The following HEATR5B variants were observed in gnomAD, a reference collection of about 807,000 sequenced individuals.
The protein encoded by HEATR5B is HEAT repeat containing 5B.
A neutral mutation model predicts 224.1 loss-of-function variants in HEATR5B; 156 were observed. The ratio of observed to expected loss-of-function variants is 0.70; its 90% CI spans 0.61 to 0.80. HEATR5B has a LOEUF of 0.80. Ranked by LOEUF, HEATR5B falls within the 30% of genes least tolerant of loss-of-function variation. The pLI is 0.00. For missense variants in HEATR5B, 2,323 were observed against 2,535.5 expected, an observed-to-expected ratio of 0.92 and a Z score of 1.80; for synonymous variants, 1,027 against 893.0, an observed-to-expected ratio of 1.15 and a Z score of -2.68.
At chr2:37,034,481 C>T (rs1174396622) in intron 21 of HEATR5B, among the ~76,000 whole-genome samples, 1 of 143,948 alleles carries the variant, frequency 6.9e-6, no homozygotes, top group African/African-American at 2.5e-5. Flanking sequence ...GGCGTAGTGG[C>T]GGGCGCCTGT....
intron 35 of HEATR5B, among the ~76,000 whole-genome samples, chr2:36,988,435 T>G (rs1470386858): frequency 6.6e-6 from 1 of 152,044 alleles, no homozygotes; most frequent in Non-Finnish European, 1.5e-5. Context: ...CTAATTTTTG[T>G]ATTATTAGTA....
chr2:37,021,402 A>C (rs1668448128), intron 24 of HEATR5B, among the ~76,000 whole-genome samples: 1 of 152,234 alleles, frequency 6.6e-6, no homozygotes, highest in Non-Finnish European at 1.5e-5. Context: ...AATCTTCGGA[A>C]TACATATCCC....
chr2:37,000,659 C>G lies in HEATR5B; in HGVS notation c.5472G>C (p.Glu1824Asp). ...CTGTCCACTGTTTTTGAACGCCAGC[C>G]TCAGTTTTGGCCATTGAAAGTGTCA... ...SIVTLSMAKT[E>D]AGVQKQWTAL... The change falls in exon 33 of 36, where the codon GAG becomes GAC. Residue 1824 changes from glutamate to aspartate, a missense_variant. Physicochemically the swap from Glu to Asp is conservative, Grantham distance 45. Coordinates refer to ENST00000233099, the MANE Select transcript of HEATR5B (RefSeq NM_019024.3). 1 of 1,614,200 alleles carries G rather than the reference C, an allele frequency of 6.2e-7. No homozygotes were observed. Among genetic ancestry groups the G allele is most frequent in the South Asian group, 1.1e-5 (1 of 91,088 alleles).
In HEATR5B at chr2:37,028,865, G is replaced by C. The variant is rs766132586; in HGVS notation, c.3417C>G (p.His1139Gln). 6.2e-7 allele frequency: 1 copy of C among 1,613,912 alleles called. No individual in the cohort carries two copies. The highest frequency in any genetic ancestry group is 1.7e-5 in the Admixed American group (1 of 60,008). The change falls in exon 23 of 36, where the codon CAC becomes CAG. Residue 1139 changes from histidine (H) to glutamine (Q), a missense_variant. Around this residue, in one of 12 missense-constraint regions of HEATR5B, gnomAD observed 339 missense variants for 378.4 expected, o/e 0.90. Transcript: ENST00000233099. Reference protein sequence around the residue: ...VSSRTDIHCRHQGVNITETGL... With the variant: ...VSSRTDIHCRQQGVNITETGL... ...CAGTTTCTGTTATATTAACACCTTG[G>C]TGCCGGCAATGGATATCAGTTCGAG...
intron 2 of HEATR5B, among the ~76,000 whole-genome samples, chr2:37,080,133 A>C (rs1553329022): frequency 6.6e-6 from 1 of 152,238 alleles, no homozygotes; most frequent in Non-Finnish European, 1.5e-5. Context: ...GACACCAAGA[A>C]GGCCAGTTTG....
rs772794392 is a variant in HEATR5B at position 37,065,748 on chromosome 2, G to T, written c.1333+7C>A. On this transcript the variant is annotated splice_region_variant and intron_variant, in intron 9 of 35. Transcript: ENST00000233099. ...AACACATACTAGCAAGTAACTGAAT[G>T]TCATACCTATAGATGCTTCTTGAAT... 6.2e-7 allele frequency: 1 copy of T among 1,607,750 alleles called. No homozygotes were observed. The highest frequency in any genetic ancestry group is 8.5e-7 in the Non-Finnish European group (1 of 1,176,330).
chr2:37,032,796 G>C, intron 21 of HEATR5B, 23 bp from the exon 22 acceptor site: 1 of 1,602,870 alleles, frequency 6.2e-7, no homozygotes, highest in East Asian at 2.2e-5. Context: ...ACAATGTTAG[G>C]CGATTTCTCT....
At chr2:37,017,846 A>G (rs1413514344) in intron 26 of HEATR5B, among the ~76,000 whole-genome samples, 1 of 152,306 alleles carries the variant, frequency 6.6e-6, no homozygotes, top group East Asian at 1.9e-4. Flanking sequence ...ATGAATGTAC[A>G]TTTTAAAATT....
At chr2:37,038,843 C>A (rs1043978204) in intron 20 of HEATR5B, among the ~76,000 whole-genome samples, 1 of 140,628 alleles carries the variant, frequency 7.1e-6, no homozygotes, top group African/African-American at 2.7e-5. Context: ...GAGGTTGTAG[C>A]GAGCTGAGAT....
chr2:36,993,195 T>A (rs1368743771), intron 33 of HEATR5B, among the ~76,000 whole-genome samples: 2 of 151,760 alleles, frequency 1.3e-5, no homozygotes, highest in African/African-American at 4.8e-5. Context: ...CAAGAAATAA[T>A]GGGGCCACAT....
chr2:37,046,884 T>C (rs1157501136), intron 18 of HEATR5B, among the ~76,000 whole-genome samples: 1 of 151,166 alleles, frequency 6.6e-6, no homozygotes, highest in Non-Finnish European at 1.5e-5. Flanking sequence ...ACGTTGTCTC[T>C]ACTAAAAATA....
At chr2:37,027,161 C>G (rs368817382) in intron 24 of HEATR5B, among the ~76,000 whole-genome samples, 40,348 of 151,978 alleles carry the variant, frequency 0.27, 5,691 homozygotes, top group Non-Finnish European at 0.3. Flanking sequence ...AATGAAATAA[C>G]CCAAAAGGCA....
chr2:37,027,668 G>T (rs1208988777), intron 24 of HEATR5B, among the ~76,000 whole-genome samples: 1 of 152,012 alleles, frequency 6.6e-6, no homozygotes, highest in East Asian at 1.9e-4. Context: ...TTATCCTTTG[G>T]GCAAATGATT....
chr2:37,026,384 T>C (rs571893067), intron 24 of HEATR5B, among the ~76,000 whole-genome samples: 1 of 152,256 alleles, frequency 6.6e-6, no homozygotes. Context: ...ACCAAGTTTG[T>C]GGGCATTTGT....
intron 13 of HEATR5B, 22 bp downstream of exon 13, chr2:37,058,866 C>T (rs778045819): frequency 2.1e-6 from 3 of 1,416,110 alleles, no homozygotes; most frequent in Non-Finnish European, 3.0e-6. Flanking sequence ...AGGATGTGAA[C>T]TTGTCTCAAT....
chr2:37,054,360 T>C lies in HEATR5B; in HGVS notation c.2400-753A>G, dbSNP rs1436674463. 4.6e-5 allele frequency among the ~76,000 whole-genome samples: 7 copies of C among 151,666 alleles called. No individual in the cohort carries two copies. The East Asian group carries it at 1.4e-3, about 29-fold the overall frequency. On this transcript the variant is annotated intron_variant, in intron 16 of 35. Coordinates refer to ENST00000233099, the MANE Select transcript of HEATR5B (RefSeq NM_019024.3). The stretch of plus-strand genomic sequence containing the variant: ...CCACGCCTGGCTAATTTTGTATTTT[T>C]AGTAGAGACTGGGTTTCTCCATGTT...
Position 37,060,567 on chromosome 2 carries a change from C to T in HEATR5B, c.1849+14G>A. 2.5e-6 allele frequency: 4 copies of T among 1,595,998 alleles called. No individual in the cohort carries two copies. Among genetic ancestry groups the T allele is most frequent in the Non-Finnish European group, 3.4e-6 (4 of 1,170,536 alleles). On this transcript the variant is annotated intron_variant, in intron 12 of 35. Transcript: ENST00000233099. ...TGTCATAATATTGTGAAGCACAATC[C>T]TTTCAGTTCTTACCACATAGAGCTC...
At chr2:36,990,461 T>A (rs1666253359) in intron 34 of HEATR5B, among the ~76,000 whole-genome samples, 187 bp downstream of exon 34, 1 of 152,242 alleles carries the variant, frequency 6.6e-6, no homozygotes, top group African/African-American at 2.4e-5. Context: ...AATTTCTACA[T>A]ATGTGAATAA....
At chr2:36,982,271 AC>A (rs774674242) in intron 35 of HEATR5B, among the ~76,000 whole-genome samples, 2 of 152,164 alleles carry the variant, frequency 1.3e-5, no homozygotes, top group African/African-American at 2.4e-5. Flanking sequence ...CCCAAAACTC[AC>A]AGTGAGGGGA....
Sources: gnomAD v4.1 joint callset for allele counts (sites outside exome capture counted in the v4.1 genomes callset) on GRCh38, gnomAD v4.1.1 for gene constraint, gnomAD v4.1.1 regional missense constraint, MANE v1.5 for transcripts, NCBI Gene and HGNC (gene_info 2026-07-23, HGNC 2026-07-21) for gene names.